Variants in KCNIP4 observed in about 807,000 individuals in gnomAD.
The protein encoded by KCNIP4 is Kv channel-interacting protein 4.
Under a neutral mutation model 34.0 loss-of-function variants are expected in KCNIP4, and 12 were observed. The ratio of observed to expected loss-of-function variants is 0.35; its 90% CI spans 0.23 to 0.57. The LOEUF (loss-of-function observed/expected upper bound fraction) is 0.57. Ranked by LOEUF, KCNIP4 falls within the 20% of genes least tolerant of loss-of-function variation. KCNIP4 has a pLI of 0.83. For missense variants in KCNIP4, 238 were observed against 311.7 expected (o/e 0.76, Z 1.78); for synonymous variants, 124 against 102.2 (o/e 1.21, Z -1.29).
chr4:21,026,182 C>G (rs1021370258), intron 1 of KCNIP4, among the ~76,000 whole-genome samples: 2 of 152,160 alleles, frequency 1.3e-5, no homozygotes, highest in Non-Finnish European at 2.9e-5. Flanking sequence ...CCAGAGGAGA[C>G]AGCAGAGACT....
At chr4:21,290,491 G>A (rs1391795477) in intron 1 of KCNIP4, among the ~76,000 whole-genome samples, 7 of 152,068 alleles carry the variant, frequency 4.6e-5, no homozygotes, top group South Asian at 4.1e-4. Context: ...CCAACCTCCC[G>A]TGTGTATACT....
At position 21,793,835 on chromosome 4, in the gene KCNIP4, G is replaced by A. The variant is rs541962971; in HGVS notation, c.61+154736C>T. On this transcript the variant is annotated intron_variant, in intron 1 of 8. Coordinates refer to ENST00000382152, the MANE Select transcript of KCNIP4 (RefSeq NM_025221.6). ...TACTGCCATAAAGACACATGCACACGTATGTTTATTGTGTCACTATTCACA... is the reference window on the plus strand; with the variant it reads ...TACTGCCATAAAGACACATGCACACATATGTTTATTGTGTCACTATTCACA... Among the ~76,000 whole-genome samples, 17 of 152,174 alleles carry A rather than the reference G, an allele frequency of 1.1e-4. No homozygotes were observed. In the East Asian group the frequency reaches 1.4e-3, roughly 12 times the overall value.
At chr4:20,955,560 T>C (rs1733213694) in intron 1 of KCNIP4, among the ~76,000 whole-genome samples, 1 of 152,124 alleles carries the variant, frequency 6.6e-6, no homozygotes, top group Non-Finnish European at 1.5e-5. Flanking sequence ...TGAGCACTCT[T>C]TCAACTTGAT....
chr4:21,624,602 T>C (rs558804238), intron 1 of KCNIP4, among the ~76,000 whole-genome samples: 7 of 152,298 alleles, frequency 4.6e-5, no homozygotes, highest in African/African-American at 1.2e-4. Context: ...TTAGTAGATA[T>C]AAAATTTGAC....
chr4:20,782,298 G>GT (rs1756944232), intron 3 of KCNIP4, among the ~76,000 whole-genome samples: 2 of 152,218 alleles, frequency 1.3e-5, no homozygotes, highest in East Asian at 3.9e-4. Flanking sequence ...CTGGAGGATG[G>GT]TGGCCCTCTT....
At chr4:21,209,803 G>A (rs957390460) in intron 1 of KCNIP4, among the ~76,000 whole-genome samples, 68 of 152,094 alleles carry the variant, frequency 4.5e-4, no homozygotes, top group African/African-American at 1.6e-3. Context: ...ATTTAGGTTC[G>A]TGATAACTGA....
At chr4:21,338,304 C>G (rs1716389163) in intron 1 of KCNIP4, among the ~76,000 whole-genome samples, 1 of 145,424 alleles carries the variant, frequency 6.9e-6, no homozygotes, top group Non-Finnish European at 1.5e-5. Flanking sequence ...GTATTTTTAT[C>G]CAGAAGGGTA....
chr4:21,313,996 G>A (rs1713461069), intron 1 of KCNIP4, among the ~76,000 whole-genome samples: 1 of 152,176 alleles, frequency 6.6e-6, no homozygotes, highest in African/African-American at 2.4e-5. Context: ...TCAAGATGTA[G>A]GCTCGGGCTG....
intron 3 of KCNIP4, among the ~76,000 whole-genome samples, chr4:20,816,456 G>A (rs1160689741): frequency 1.3e-5 from 2 of 152,102 alleles, no homozygotes; most frequent in African/African-American, 2.4e-5. Flanking sequence ...GGCGCAGACT[G>A]CGGGCAAGAC....
chr4:21,461,508 A>T (rs1369282427), intron 1 of KCNIP4, among the ~76,000 whole-genome samples: 1 of 152,052 alleles, frequency 6.6e-6, no homozygotes, highest in Non-Finnish European at 1.5e-5. Flanking sequence ...ATTTAAAGTA[A>T]TAAGAAGAAA....
intron 3 of KCNIP4, among the ~76,000 whole-genome samples, chr4:20,849,643 A>AG (rs11374143): frequency 0.35 from 53,124 of 151,952 alleles, 10,338 homozygotes; most frequent in Admixed American, 0.46. Flanking sequence ...GGGTTTCAAA[A>AG]GGATCAAAGC....
intron 1 of KCNIP4, among the ~76,000 whole-genome samples, chr4:21,091,809 G>C (rs572618990): frequency 1.3e-5 from 2 of 152,092 alleles, no homozygotes; most frequent in Admixed American, 1.3e-4. Flanking sequence ...ATCCATTCAT[G>C]AGCACTCCAC....
chr4:20,782,407 G>A (rs1220425171), intron 3 of KCNIP4, among the ~76,000 whole-genome samples: 4 of 152,200 alleles, frequency 2.6e-5, no homozygotes, highest in African/African-American at 7.2e-5. Flanking sequence ...TTCTCCATGA[G>A]AGCCCTGCCT....
chr4:21,790,182 T>TGGA (rs375622714), intron 1 of KCNIP4, among the ~76,000 whole-genome samples: 16,046 of 152,174 alleles, frequency 0.11, 2,885 homozygotes, highest in African/African-American at 0.37. Flanking sequence ...AATGAGAGGC[T>TGGA]AGAAGAAATA....
chr4:21,060,852 T>C (rs1459376081), intron 1 of KCNIP4, among the ~76,000 whole-genome samples: 1 of 152,176 alleles, frequency 6.6e-6, no homozygotes, highest in East Asian at 1.9e-4. Flanking sequence ...AGCTATCTCC[T>C]TCTATTTGTA....
intron 1 of KCNIP4, among the ~76,000 whole-genome samples, chr4:21,539,221 A>G (rs1560499914): frequency 6.6e-6 from 1 of 152,036 alleles, no homozygotes; most frequent in Non-Finnish European, 1.5e-5. Context: ...GAACTAATAC[A>G]CTCTCAAAAT....
At chr4:21,893,344 T>C (rs960362241) in intron 1 of KCNIP4, among the ~76,000 whole-genome samples, 9 of 152,214 alleles carry the variant, frequency 5.9e-5, no homozygotes, top group Admixed American at 2.0e-4. Flanking sequence ...GAACACCAGA[T>C]GTCGAAACAG....
chr4:21,595,607 A>G (rs1742584779), intron 1 of KCNIP4, among the ~76,000 whole-genome samples: 2 of 151,984 alleles, frequency 1.3e-5, no homozygotes, highest in African/African-American at 4.8e-5. Flanking sequence ...ACTCCTACCA[A>G]CAGTGTAAGA....
chr4:21,389,673 T>C (rs1275795094), intron 1 of KCNIP4, among the ~76,000 whole-genome samples: 2 of 151,986 alleles, frequency 1.3e-5, no homozygotes, highest in African/African-American at 2.4e-5. Context: ...GGTGTATATG[T>C]GCCACATTTT....
Sources: gnomAD v4.1 joint callset for allele counts (sites outside exome capture counted in the v4.1 genomes callset) on GRCh38, gnomAD v4.1.1 for gene constraint, MANE v1.5 for transcripts, NCBI Gene and HGNC (gene_info 2026-07-23, HGNC 2026-07-21) for gene names.